SLC38A11: variants seen among roughly 807,000 people sequenced by gnomAD.
SLC38A11 encodes the protein solute carrier family 38 member 11.
A neutral mutation model predicts 49.4 loss-of-function variants in SLC38A11; 51 were observed. The observed-to-expected ratio is 1.03, with a 90% CI of 0.83 to 1.30. The LOEUF (loss-of-function observed/expected upper bound fraction) is 1.30, where lower values mean the gene tolerates loss of function less well. Ranked by LOEUF, SLC38A11 falls within the 50% of genes most tolerant of loss-of-function variation. The pLI is 0.00. For synonymous variants in SLC38A11, 203 were observed against 192.9 expected (o/e 1.05, Z -0.43); for missense variants, 574 against 556.2 (o/e 1.03, Z -0.32).
Position 164,908,631 on chromosome 2 carries a change from C to G in SLC38A11, c.1095+9G>C, listed in dbSNP as rs3754959. 3.3e-6 allele frequency: 5 copies of G among 1,518,534 alleles called. No homozygotes were observed. The highest frequency in any genetic ancestry group is 3.6e-6 in the Non-Finnish European group (4 of 1,126,114). The allele number at this position is 1,518,534 out of a possible 1,614,324, so 94.1% of individuals were successfully genotyped here. On this transcript the variant is annotated intron_variant, in intron 11 of 11. Coordinates refer to ENST00000685975, the MANE Select transcript of SLC38A11 (RefSeq NM_001351537.2). ...TAGAGTGAAGGGGTAAATCTTTGCA[C>G]GTACTCACATTGAGTTCTAGAACTA...
intron 10 of SLC38A11, among the ~76,000 whole-genome samples, chr2:164,910,912 T>C (rs768187516): frequency 2.0e-5 from 3 of 152,050 alleles, no homozygotes; most frequent in Non-Finnish European, 2.9e-5. Flanking sequence ...AAGAATGAAT[T>C]CTCTTTCAGA....
At chr2:164,929,478 C>T (rs995375343) in intron 7 of SLC38A11, among the ~76,000 whole-genome samples, 35 of 152,018 alleles carry the variant, frequency 2.3e-4, no homozygotes, top group African/African-American at 8.5e-4. Context: ...TTGGAGGTAC[C>T]TTAAAAGAGA....
intron 7 of SLC38A11, among the ~76,000 whole-genome samples, chr2:164,934,591 T>A (rs1021705625): frequency 6.6e-6 from 1 of 152,178 alleles, no homozygotes; most frequent in Non-Finnish European, 1.5e-5. Context: ...TCTCCCGTGG[T>A]GCAACTGAGG....
chr2:164,930,377 G>A (rs1460460249), intron 7 of SLC38A11, among the ~76,000 whole-genome samples: 3 of 152,066 alleles, frequency 2.0e-5, no homozygotes, highest in Non-Finnish European at 2.9e-5. Context: ...TTGAGGAGGA[G>A]GGGCTCCTCC....
chr2:164,899,133 G>T (rs988935303), intron 11 of SLC38A11, among the ~76,000 whole-genome samples: 7 of 151,974 alleles, frequency 4.6e-5, no homozygotes, highest in Non-Finnish European at 8.8e-5. Context: ...TGGTCTATTT[G>T]TCATTTGTGT....
At chr2:164,923,937 CCATT>C (rs1686390756) in intron 7 of SLC38A11, among the ~76,000 whole-genome samples, 1 of 152,146 alleles carries the variant, frequency 6.6e-6, no homozygotes, top group Non-Finnish European at 1.5e-5. Context: ...AACAGAACTA[CCATT>C]CAACCAAGGA....
intron 11 of SLC38A11, among the ~76,000 whole-genome samples, chr2:164,899,828 G>C (rs1359251283): frequency 6.6e-6 from 1 of 151,874 alleles, no homozygotes; most frequent in East Asian, 1.9e-4. Context: ...TTTAACAAAA[G>C]TCCCAAATAT....
chr2:164,902,799 G>C (rs1373732181), intron 11 of SLC38A11, among the ~76,000 whole-genome samples: 1 of 152,086 alleles, frequency 6.6e-6, no homozygotes, highest in African/African-American at 2.4e-5. Flanking sequence ...AAAAACAAAA[G>C]TGTCCAGAGA....
At chr2:164,902,801 G>A in intron 11 of SLC38A11, among the ~76,000 whole-genome samples, 1 of 152,120 alleles carries the variant, frequency 6.6e-6, no homozygotes, top group South Asian at 2.1e-4. Flanking sequence ...AAACAAAAGT[G>A]TCCAGAGAAA....
At chr2:164,928,807 C>T (rs989865074) in intron 7 of SLC38A11, among the ~76,000 whole-genome samples, 1 of 152,160 alleles carries the variant, frequency 6.6e-6, no homozygotes, top group Admixed American at 6.5e-5. Flanking sequence ...TACTCAAATT[C>T]CCTTCACTGA....
intron 7 of SLC38A11, among the ~76,000 whole-genome samples, chr2:164,923,893 G>T (rs1686387571): frequency 6.6e-6 from 1 of 152,026 alleles, no homozygotes; most frequent in South Asian, 2.1e-4. Context: ...CAGCCACTGT[G>T]GAAAGCAGTT....
At chr2:164,906,109 A>T (rs1418623344) in intron 11 of SLC38A11, among the ~76,000 whole-genome samples, 1 of 152,180 alleles carries the variant, frequency 6.6e-6, no homozygotes, top group Non-Finnish European at 1.5e-5. Flanking sequence ...AAACAAAAAA[A>T]AATTTGTTGG....
intron 1 of SLC38A11, 136 bp downstream of exon 1, chr2:164,955,073 C>A: frequency 5.2e-6 from 4 of 763,304 alleles, no homozygotes; most frequent in Middle Eastern, 2.6e-4. Flanking sequence ...CAGATTAAGG[C>A]AAAACTTTTT....
chr2:164,933,274 A>G (rs1687135255), intron 7 of SLC38A11, among the ~76,000 whole-genome samples: 1 of 152,030 alleles, frequency 6.6e-6, no homozygotes, highest in South Asian at 2.1e-4. Context: ...AATGCCTCTG[A>G]TTCTAGTTAG....
rs754101228 is a variant in SLC38A11, at chr2:164,952,780, T to TATGTTAA, written c.155_156insTTAACAT (p.Leu53Ter). 9.4e-6 allele frequency: 15 copies of TATGTTAA among 1,594,258 alleles called. No homozygotes were observed. The South Asian group carries it at 1.7e-4, about 18-fold the overall frequency. ...CAGCTTGCTTCATTGAATAAGGCAA[T>TATGTTAA]CCTGAAAAAACATAAAATGCCCCAC... On this transcript the variant is annotated stop_gained and frameshift_variant and splice_region_variant, in exon 3 of 12. Coordinates refer to ENST00000685975, the MANE Select transcript of SLC38A11 (RefSeq NM_001351537.2). LOFTEE classifies it high-confidence loss of function.
At chr2:164,938,561 A>C (rs925203880) in intron 6 of SLC38A11, among the ~76,000 whole-genome samples, 2 of 152,216 alleles carry the variant, frequency 1.3e-5, no homozygotes, top group African/African-American at 4.8e-5. Flanking sequence ...ATTTTATATA[A>C]TTCACAGAAA....
chr2:164,913,240 A>C (rs891820280), intron 9 of SLC38A11, among the ~76,000 whole-genome samples: 1 of 152,036 alleles, frequency 6.6e-6, no homozygotes, highest in African/African-American at 2.4e-5. Flanking sequence ...ATTAAAACAC[A>C]AAGTAAGGTG....
rs114738532 is a variant in SLC38A11, at chr2:164,941,074, G to A, written c.431-1518C>T. Among the ~76,000 whole-genome samples, 719 of 152,104 alleles carry A rather than the reference G, an allele frequency of 4.7e-3. 8 individuals are homozygous for A. The highest frequency in any genetic ancestry group is 0.016 in the African/African-American group (665 of 41,514). ...ATCAACAGGTAGGAGCCTAATAACTGAGGATCCCATTTGCATAAAGGATGT... is the reference window on the plus strand; with the variant it reads ...ATCAACAGGTAGGAGCCTAATAACTAAGGATCCCATTTGCATAAAGGATGT... On this transcript the variant is annotated intron_variant, in intron 5 of 11. Coordinates refer to ENST00000685975, the MANE Select transcript of SLC38A11 (RefSeq NM_001351537.2).
intron 11 of SLC38A11, among the ~76,000 whole-genome samples, chr2:164,902,924 T>C (rs1047512306): frequency 7.2e-5 from 11 of 152,170 alleles, no homozygotes; most frequent in African/African-American, 2.4e-4. Flanking sequence ...ATGGAAAATA[T>C]ACTTTTGCCA....
Sources: gnomAD v4.1 joint callset for allele counts (sites outside exome capture counted in the v4.1 genomes callset) on GRCh38, gnomAD v4.1.1 for gene constraint, MANE v1.5 for transcripts, NCBI Gene and HGNC (gene_info 2026-07-23, HGNC 2026-07-21) for gene names.